Variants in LGSN observed in about 807,000 individuals in gnomAD.
The protein encoded by LGSN is lengsin, lens protein with glutamine synthetase domain.
Under a neutral mutation model 19.5 loss-of-function variants are expected in LGSN, and 21 were observed. That is an observed-to-expected ratio of 1.07 (90% CI 0.76 to 1.55). The LOEUF (loss-of-function observed/expected upper bound fraction) is 1.55. LGSN is among the 40% of genes most tolerant of loss of function. The pLI is 0.00. For missense variants in LGSN, 673 were observed against 608.5 expected (o/e 1.11, Z -1.12); for synonymous variants, 257 against 215.6 (o/e 1.19, Z -1.68).
chr6:63,326,801 C>T, the LGSN span, among the ~76,000 whole-genome samples: 1 of 152,166 alleles, frequency 6.6e-6, no homozygotes, highest in Admixed American at 6.5e-5. Context: ...CCCGCAAGTG[C>T]CGTGCGCAGC....
chr6:63,413,656 C>T, the LGSN span, among the ~76,000 whole-genome samples: 1 of 152,124 alleles, frequency 6.6e-6, no homozygotes, highest in Non-Finnish European at 1.5e-5. Context: ...ATTTTCCACC[C>T]ACTATATGTA....
chr6:63,453,938 G>A, the LGSN span, among the ~76,000 whole-genome samples: 1 of 151,926 alleles, frequency 6.6e-6, no homozygotes, highest in Non-Finnish European at 1.5e-5. Context: ...TTACAGGCGT[G>A]AGCCACCGCG....
At chr6:63,553,458 G>A in the LGSN span, among the ~76,000 whole-genome samples, 1 of 152,146 alleles carries the variant, frequency 6.6e-6, no homozygotes, top group African/African-American at 2.4e-5. Context: ...CAGTTACATG[G>A]GTGGCCTAAA....
chr6:63,572,403 G>T, the LGSN span: 1 of 343,492 alleles, frequency 2.9e-6, no homozygotes, highest in Non-Finnish European at 5.2e-6. Flanking sequence ...CCTGGCCCGC[G>T]GTTCCAGGCC....
chr6:63,394,288 GA>G, the LGSN span, among the ~76,000 whole-genome samples: 1 of 152,050 alleles, frequency 6.6e-6, no homozygotes, highest in Non-Finnish European at 1.5e-5. Flanking sequence ...TAATTAATAA[GA>G]AAACAGGTTG....
chr6:63,461,979 T>A, the LGSN span, among the ~76,000 whole-genome samples: 1 of 152,172 alleles, frequency 6.6e-6, no homozygotes, highest in African/African-American at 2.4e-5. Context: ...TTCTCCTGTA[T>A]GCAATTGGCT....
chr6:63,555,677 C>T, the LGSN span, among the ~76,000 whole-genome samples: 2 of 151,160 alleles, frequency 1.3e-5, no homozygotes, highest in African/African-American at 4.9e-5. Context: ...ATGCAATTCA[C>T]TTCTCAATTA....
the LGSN span, among the ~76,000 whole-genome samples, chr6:63,414,492 G>A: frequency 4.0e-4 from 61 of 152,318 alleles, no homozygotes; most frequent in Non-Finnish European, 8.1e-4. Context: ...TGAAACTTTA[G>A]GAGGTGTTGA....
chr6:63,439,470 G>A, the LGSN span, among the ~76,000 whole-genome samples: 8 of 151,978 alleles, frequency 5.3e-5, no homozygotes, highest in South Asian at 2.1e-4. Flanking sequence ...ATCCCAGATC[G>A]TGCCACTGCA....
At chr6:63,455,524 G>A in the LGSN span, among the ~76,000 whole-genome samples, 1 of 152,140 alleles carries the variant, frequency 6.6e-6, no homozygotes, top group Non-Finnish European at 1.5e-5. Flanking sequence ...GGAGGCCGAG[G>A]CGGATGGATC....
chr6:63,440,117 G>T, the LGSN span, among the ~76,000 whole-genome samples: 3 of 152,228 alleles, frequency 2.0e-5, no homozygotes, highest in African/African-American at 7.2e-5. Flanking sequence ...TAAGTTCTGA[G>T]TTTTTTGTAT....
the LGSN span, among the ~76,000 whole-genome samples, chr6:63,402,661 T>G: frequency 6.6e-6 from 1 of 152,134 alleles, no homozygotes; most frequent in Non-Finnish European, 1.5e-5. Flanking sequence ...AAATGAGAAG[T>G]TAATAATTGA....
the LGSN span, among the ~76,000 whole-genome samples, chr6:63,359,852 G>A: frequency 1.5e-4 from 23 of 150,838 alleles, 1 homozygote; most frequent in East Asian, 4.5e-3. Context: ...GCTCTGATCT[G>A]GCCTGGTGGT....
the LGSN span, among the ~76,000 whole-genome samples, chr6:63,517,025 T>C: frequency 6.6e-6 from 1 of 152,216 alleles, no homozygotes. Context: ...GATATTTATT[T>C]CTCTGTCTGC....
At chr6:63,412,483 G>GGA in the LGSN span, among the ~76,000 whole-genome samples, 4 of 52,870 alleles carry the variant, frequency 7.6e-5, no homozygotes, top group African/African-American at 2.8e-4. Context: ...AGAAGAAAGA[G>GGA]AAGAAAGAAA....
chr6:63,292,997 G>C (rs1767836054), intron 2 of LGSN, among the ~76,000 whole-genome samples: 1 of 152,064 alleles, frequency 6.6e-6, no homozygotes, highest in South Asian at 2.1e-4. Context: ...TGTCATTATA[G>C]ATTTCCTTTT....
At chr6:63,332,563 A>G in the LGSN span, among the ~76,000 whole-genome samples, 1 of 151,946 alleles carries the variant, frequency 6.6e-6, no homozygotes. Context: ...AACGGTCCCA[A>G]CTCCAAAGAG....
chr6:63,407,415 C>A, the LGSN span, among the ~76,000 whole-genome samples: 1 of 152,130 alleles, frequency 6.6e-6, no homozygotes, highest in African/African-American at 2.4e-5. Context: ...ATAAACAGAA[C>A]CAATGACAAA....
the LGSN span, among the ~76,000 whole-genome samples, chr6:63,456,305 T>C: frequency 1.4e-5 from 2 of 144,810 alleles, no homozygotes; most frequent in Non-Finnish European, 3.0e-5. Flanking sequence ...CAGGGCACCT[T>C]GAGTCTATAC....
Sources: gnomAD v4.1 joint callset for allele counts (sites outside exome capture counted in the v4.1 genomes callset) on GRCh38, gnomAD v4.1.1 for gene constraint, MANE v1.5 for transcripts, NCBI Gene and HGNC (gene_info 2026-07-23, HGNC 2026-07-21) for gene names.